LINGO2: variants seen among roughly 807,000 people sequenced by gnomAD.
The protein encoded by LINGO2 is leucine rich repeat and Ig domain containing 2, also known as leucine-rich repeat and immunoglobulin-like domain-containing nogo receptor-interacting protein 2.
LINGO2 carries 14 observed loss-of-function variants against 30.6 expected under a neutral mutation model. That is an observed-to-expected ratio of 0.46 (90% CI 0.30 to 0.72). LINGO2 has a LOEUF of 0.72. LINGO2 is among the 30% of genes least tolerant of loss of function. LINGO2 has a pLI of 0.07. For synonymous variants in LINGO2, 317 were observed against 288.5 expected (o/e 1.10, Z -1.00); for missense variants, 729 against 751.7 (o/e 0.97, Z 0.35).
chr9:28,318,321 T>C (rs1478208954), intron 3 of LINGO2, among the ~76,000 whole-genome samples: 1 of 152,226 alleles, frequency 6.6e-6, no homozygotes, highest in South Asian at 2.1e-4. Flanking sequence ...CATCAAATTA[T>C]ACACATATTT....
At chr9:28,638,945 T>C (rs1320013659) in intron 1 of LINGO2, among the ~76,000 whole-genome samples, 1 of 152,174 alleles carries the variant, frequency 6.6e-6, no homozygotes, top group Non-Finnish European at 1.5e-5. Context: ...CTGCTTTCTC[T>C]TGTGGGCATT....
chr9:28,348,619 T>G lies in LINGO2; in HGVS notation c.-246+24217A>C, dbSNP rs7469963. Among the ~76,000 whole-genome samples, 238 of 152,144 alleles carry G rather than the reference T, an allele frequency of 1.6e-3. 1 individual carries two copies. The highest frequency in any genetic ancestry group is 5.5e-3 in the African/African-American group (228 of 41,476). On this transcript the variant is annotated intron_variant, in intron 3 of 5. Transcript: ENST00000379992. ...GCTTGATTAGGTAAACAAAGCAGCC[T>G]GGAAGCTGGAACTGGGTGGAGCCCA...
At chr9:28,096,703 A>T (rs1826252457) in intron 4 of LINGO2, among the ~76,000 whole-genome samples, 1 of 63,654 alleles carries the variant, frequency 1.6e-5, no homozygotes, top group South Asian at 7.6e-4. Context: ...GGCACAGATG[A>T]GTATATCCTG....
Position 28,663,123 on chromosome 9 carries a change from C to T in LINGO2, c.-365+7077G>A, listed in dbSNP as rs180799332. On this transcript the variant is annotated intron_variant, in intron 1 of 5. Transcript: ENST00000379992. ...AATTCATTTCAAGCTTCTTTTCTGC[C>T]GACAAGTAGATGCTGCTGCTAACAT... Among the ~76,000 whole-genome samples the T allele has an allele frequency of 1.1e-3, 160 of 144,870 alleles. 2 individuals carry two copies. The highest frequency in any genetic ancestry group is 2.5e-3 in the Admixed American group (38 of 15,016).
intron 3 of LINGO2, among the ~76,000 whole-genome samples, chr9:28,315,017 A>C (rs1227115768): frequency 2.0e-5 from 3 of 151,918 alleles, no homozygotes; most frequent in Non-Finnish European, 4.4e-5. Flanking sequence ...CTCAAAAAAA[A>C]AAAAAAAAGA....
At chr9:28,989,631 A>G in the LINGO2 span, among the ~76,000 whole-genome samples, 1 of 152,320 alleles carries the variant, frequency 6.6e-6, no homozygotes, top group East Asian at 1.9e-4. Flanking sequence ...AATTGTTATT[A>G]TATAGATCAT....
Position 28,243,664 on chromosome 9 carries a change from G to A in LINGO2, c.-87+51544C>T, listed in dbSNP as rs115003545. On this transcript the variant is annotated intron_variant, in intron 4 of 5. Transcript: ENST00000379992. ...ACAAAAAAACAAAAAAAACGGGTTG[G>A]ATTCCTAGTTCCTGATAAAACAGAC... Among the ~76,000 whole-genome samples the A allele has an allele frequency of 7.8e-3, 1,186 of 151,826 alleles. 20 individuals carry two copies. Among genetic ancestry groups the A allele is most frequent in the African/African-American group, 0.028 (1,140 of 41,398 alleles).
the LINGO2 span, among the ~76,000 whole-genome samples, chr9:28,846,816 T>G: frequency 6.8e-6 from 1 of 147,524 alleles, no homozygotes; most frequent in East Asian, 2.0e-4. Context: ...ACAATGAAAA[T>G]CATTCTCAAT....
At chr9:28,917,573 C>T in the LINGO2 span, among the ~76,000 whole-genome samples, 1 of 151,998 alleles carries the variant, frequency 6.6e-6, no homozygotes. Context: ...CTGTCTCAGC[C>T]TCCTGAGTAG....
At chr9:27,999,653 AG>A (rs1821848123) in intron 5 of LINGO2, among the ~76,000 whole-genome samples, 1 of 152,118 alleles carries the variant, frequency 6.6e-6, no homozygotes, top group African/African-American at 2.4e-5. Flanking sequence ...CCCTTCCAGA[AG>A]TCTTCTTTTG....
chr9:28,696,640 A>G, the LINGO2 span, among the ~76,000 whole-genome samples: 1 of 151,906 alleles, frequency 6.6e-6, no homozygotes, highest in Non-Finnish European at 1.5e-5. Context: ...ATAAAGACTC[A>G]TCATATTAAG....
At chr9:28,729,820 T>A in the LINGO2 span, among the ~76,000 whole-genome samples, 1 of 151,936 alleles carries the variant, frequency 6.6e-6, no homozygotes, top group African/African-American at 2.4e-5. Context: ...TCAATTATAT[T>A]AATTGCCAAA....
chr9:28,648,962 C>T (rs1827966343), intron 1 of LINGO2, among the ~76,000 whole-genome samples: 1 of 152,024 alleles, frequency 6.6e-6, no homozygotes, highest in Non-Finnish European at 1.5e-5. Context: ...CAGAGATAAC[C>T]AGGTTTGGGG....
chr9:29,068,597 G>T, the LINGO2 span, among the ~76,000 whole-genome samples: 2 of 151,792 alleles, frequency 1.3e-5, no homozygotes, highest in Non-Finnish European at 2.9e-5. Flanking sequence ...GCAACTCTGT[G>T]CAAATAGTGC....
At chr9:29,102,909 C>G in the LINGO2 span, among the ~76,000 whole-genome samples, 1 of 151,966 alleles carries the variant, frequency 6.6e-6, no homozygotes, top group Non-Finnish European at 1.5e-5. Context: ...GAAGAAAATG[C>G]CAACTCAAAA....
chr9:28,628,601 G>C (rs11999612), intron 1 of LINGO2, among the ~76,000 whole-genome samples: 103 of 152,156 alleles, frequency 6.8e-4, no homozygotes, highest in African/African-American at 2.5e-3. Flanking sequence ...CAAAACACCT[G>C]TATTTGTTTG....
At chr9:28,238,162 A>AGAGC (rs1468664059) in intron 4 of LINGO2, among the ~76,000 whole-genome samples, 1 of 151,214 alleles carries the variant, frequency 6.6e-6, no homozygotes, top group Non-Finnish European at 1.5e-5. Context: ...AGAGAGAGAG[A>AGAGC]GAGAGAGATC....
At chr9:28,519,763 G>C (rs1371266158) in intron 1 of LINGO2, among the ~76,000 whole-genome samples, 1 of 152,140 alleles carries the variant, frequency 6.6e-6, no homozygotes, top group East Asian at 1.9e-4. Context: ...TGGGGTTTTT[G>C]ACAGAGAAAG....
At chr9:28,826,632 A>G in the LINGO2 span, among the ~76,000 whole-genome samples, 1 of 152,220 alleles carries the variant, frequency 6.6e-6, no homozygotes, top group Non-Finnish European at 1.5e-5. Context: ...TGCTGACAAT[A>G]AACACTGACA....
Sources: allele counts gnomAD v4.1 joint callset (sites outside exome capture counted in the v4.1 genomes callset), GRCh38; gene constraint gnomAD v4.1.1; transcripts MANE v1.5; gene names NCBI Gene and HGNC (gene_info 2026-07-23, HGNC 2026-07-21).